Variants in RAB10 observed in about 807,000 individuals in gnomAD.
The protein encoded by RAB10 is ras-related protein Rab-10.
A neutral mutation model predicts 25.7 loss-of-function variants in RAB10; 5 were observed. The ratio of observed to expected loss-of-function variants is 0.19; its 90% CI spans 0.10 to 0.41. RAB10 has a LOEUF of 0.41. Among genes scored for constraint, RAB10 ranks in the 10% least tolerant of loss-of-function variants. The pLI is 1.00. For missense variants in RAB10, 103 were observed against 245.8 expected, an observed-to-expected ratio of 0.42 and a Z score of 3.89; for synonymous variants, 89 against 86.4, an observed-to-expected ratio of 1.03 and a Z score of -0.16.
At chr2:26,060,063 T>TTA (rs528148082) in intron 1 of RAB10, among the ~76,000 whole-genome samples, 58 of 152,298 alleles carry the variant, frequency 3.8e-4, no homozygotes, top group East Asian at 2.5e-3. Flanking sequence ...GGCAGATTAC[T>TTA]TATAATGCCA....
intron 2 of RAB10, among the ~76,000 whole-genome samples, chr2:26,099,524 T>C (rs1401062443): frequency 4.4e-5 from 6 of 137,130 alleles, no homozygotes; most frequent in Admixed American, 1.7e-4. Flanking sequence ...TGTTTTTTGT[T>C]TTTTTGGGTT....
chr2:26,086,687 A>G (rs1365821879), intron 1 of RAB10, among the ~76,000 whole-genome samples: 1 of 152,246 alleles, frequency 6.6e-6, no homozygotes, highest in Non-Finnish European at 1.5e-5. Context: ...GTGGAATTTA[A>G]CAGCTCTATT....
intron 3 of RAB10, among the ~76,000 whole-genome samples, chr2:26,116,238 A>G (rs1366901723): frequency 2.0e-5 from 3 of 152,090 alleles, no homozygotes; most frequent in Non-Finnish European, 4.4e-5. Context: ...GGCTGGTGTT[A>G]AAACCCTGAG....
In RAB10 at chr2:26,104,200, C is replaced by G. The variant is rs75094710; in HGVS notation, c.188+5478C>G. On this transcript the variant is annotated intron_variant, in intron 2 of 5. Coordinates refer to ENST00000264710, the MANE Select transcript of RAB10 (RefSeq NM_016131.5). ...CTGCATCATTTTACATTGTCACCAA[C>G]AGGGTATAAGGGTCCCAATTTCTCT... is the stretch of plus-strand genomic sequence containing the variant. 2.7e-3 allele frequency among the ~76,000 whole-genome samples: 417 copies of G among 152,320 alleles called. 3 individuals carry two copies. Among genetic ancestry groups the G allele is most frequent in the Non-Finnish European group, 4.8e-3 (326 of 68,030 alleles).
chr2:26,047,605 T>A (rs533650127), intron 1 of RAB10, among the ~76,000 whole-genome samples: 8 of 151,336 alleles, frequency 5.3e-5, no homozygotes, highest in Non-Finnish European at 1.2e-4. Context: ...TTAGTAGAGA[T>A]GGGGTTTGAC....
chr2:26,099,305 C>T (rs1398650775), intron 2 of RAB10, among the ~76,000 whole-genome samples: 1 of 152,088 alleles, frequency 6.6e-6, no homozygotes, highest in African/African-American at 2.4e-5. Flanking sequence ...GAGGTATAAT[C>T]TAACTGATAT....
chr2:26,098,883 A>C (rs1460118584), intron 2 of RAB10, among the ~76,000 whole-genome samples, 161 bp downstream of exon 2: 1 of 152,152 alleles, frequency 6.6e-6, no homozygotes, highest in Non-Finnish European at 1.5e-5. Context: ...GCATGGACTT[A>C]AGTCCATGAG....
At chr2:26,042,854 A>G (rs1211989326) in intron 1 of RAB10, 1 of 152,186 alleles carries the variant, frequency 6.6e-6, no homozygotes, top group African/African-American at 2.4e-5. Flanking sequence ...ACATATGGAA[A>G]GATGTTCAGC....
intron 1 of RAB10, among the ~76,000 whole-genome samples, chr2:26,066,260 C>CAAG (rs1258680010): frequency 1.3e-5 from 2 of 149,930 alleles, no homozygotes; most frequent in African/African-American, 4.9e-5. Context: ...TTCCAGTGGA[C>CAAG]AAGAAAACTT....
chr2:26,045,567 A>C lies in RAB10; in HGVS notation c.127+10832A>C, dbSNP rs534061026. Among the ~76,000 whole-genome samples, 4 of 152,280 alleles carry C rather than the reference A, an allele frequency of 2.6e-5. No individual in the cohort carries two copies. In the South Asian group the frequency reaches 8.3e-4, roughly 32 times the overall value. On this transcript the variant is annotated intron_variant, in intron 1 of 5. Coordinates refer to ENST00000264710, the MANE Select transcript of RAB10 (RefSeq NM_016131.5). ...TAACAGTAGAAGGTTGCCCAGGCAG[A>C]GCTGTGGTAGCAGTTGTGAAGAACG...
At chr2:26,090,939 C>G (rs1036208411) in intron 1 of RAB10, among the ~76,000 whole-genome samples, 12 of 63,438 alleles carry the variant, frequency 1.9e-4, no homozygotes, top group African/African-American at 3.9e-4. Context: ...GTCTCCCCCC[C>G]CAAAAAAAAA....
At chr2:26,124,071 GA>G (rs1403336269) in intron 3 of RAB10, among the ~76,000 whole-genome samples, 1 of 152,016 alleles carries the variant, frequency 6.6e-6, no homozygotes, top group Admixed American at 6.6e-5. Context: ...TCTTCCTTAT[GA>G]TTTTCTTAAT....
In RAB10 at chr2:26,082,996, A is replaced by G. The variant is rs139323295; in HGVS notation, c.128-15666A>G. Among the ~76,000 whole-genome samples, 707 of 152,360 alleles carry G rather than the reference A, an allele frequency of 4.6e-3. 3 individuals carry two copies. The highest frequency in any genetic ancestry group is 7.1e-3 in the Non-Finnish European group (483 of 68,026). ...TGGAGTAAAGAAGAAAAATCATACC[A>G]TCATAGTAGGCATAGACAAAGCATT... On this transcript the variant is annotated intron_variant, in intron 1 of 5. Transcript: ENST00000264710.
chr2:26,098,109 C>CTTTTTTTTTTTTTTTTTTTTTTTTTTT lies in RAB10; in HGVS notation c.128-551_128-525dup, dbSNP rs57174956. On this transcript the variant is annotated intron_variant, in intron 1 of 5. Coordinates refer to ENST00000264710, the MANE Select transcript of RAB10 (RefSeq NM_016131.5). Reference sequence around the variant, plus strand: ...CTTCTTTTTCTTTCTTTCTTTCTTTCTTTTTTTTTTTTTTTTTTTTTTTTT... The same window carrying CTTTTTTTTTTTTTTTTTTTTTTTTTTT: ...CTTCTTTTTCTTTCTTTCTTTCTTTCTTTTTTTTTTTTTTTTTTTTTTTTTTTTTTTTTTTTTTTTTTTTTTTTTTTT... Among the ~76,000 whole-genome samples the CTTTTTTTTTTTTTTTTTTTTTTTTTTT allele has an allele frequency of 4.0e-4, 21 of 52,726 alleles. 1 individual carries two copies. Among genetic ancestry groups the CTTTTTTTTTTTTTTTTTTTTTTTTTTT allele is most frequent in the South Asian group, 8.4e-4 (1 of 1,186 alleles). The allele number at this position is 52,726 out of a possible 152,430, so 34.6% of individuals were successfully genotyped here. A position where few individuals can be genotyped will look rare whatever the true frequency, so the allele number is the denominator to read the frequency against.
chr2:26,098,642 C>T lies in RAB10; in HGVS notation c.128-20C>T, dbSNP rs374722089. Reference sequence around the variant, plus strand: ...AATGTAAAGCCACAGTTACAGTTTACCTTTTTTTCTGCATTGTAGGAATAG... The same window carrying T: ...AATGTAAAGCCACAGTTACAGTTTATCTTTTTTTCTGCATTGTAGGAATAG... On this transcript the variant is annotated intron_variant, in intron 1 of 5. Transcript: ENST00000264710. The T allele has an allele frequency of 1.3e-6, 2 of 1,545,044 alleles. No homozygotes were observed. The highest frequency in any genetic ancestry group is 1.4e-5 in the African/African-American group (1 of 73,076).
At position 26,135,909 on chromosome 2, in the gene RAB10, T is replaced by C. The variant is rs1668102721; in HGVS notation, c.*888T>C. 1 of 152,612 alleles carries C rather than the reference T, an allele frequency of 6.6e-6. No individual in the cohort carries two copies. Among genetic ancestry groups the C allele is most frequent in the Admixed American group, 6.5e-5 (1 of 15,282 alleles). The allele number at this position is 152,612 out of a possible 1,614,324, so 9.5% of individuals were successfully genotyped here. On this transcript the variant is annotated 3_prime_UTR_variant, in exon 6 of 6. Coordinates refer to ENST00000264710, the MANE Select transcript of RAB10 (RefSeq NM_016131.5). ...TAAAGCACTGATGTAACTTGCTAGG[T>C]AAACGGAAAGATAAGTTCTAACTGC...
rs925519462 is a variant in RAB10 at position 26,136,181 on chromosome 2, T to A, written c.*1160T>A. 1 of 152,598 alleles carries A rather than the reference T, an allele frequency of 6.6e-6. No homozygotes were observed. Among genetic ancestry groups the A allele is most frequent in the Non-Finnish European group, 1.5e-5 (1 of 68,036 alleles). 9.5% of individuals were successfully genotyped at this position (152,598 alleles called of 1,614,324 possible). On this transcript the variant is annotated 3_prime_UTR_variant, in exon 6 of 6. Coordinates refer to ENST00000264710, the MANE Select transcript of RAB10 (RefSeq NM_016131.5). ...AGCCTATTCACTTTCCTAGAATAAA[T>A]CTCTTAACCTAAATTTGAGTAGTCT...
At chr2:26,060,765 C>T (rs1010537293) in intron 1 of RAB10, among the ~76,000 whole-genome samples, 4 of 152,134 alleles carry the variant, frequency 2.6e-5, no homozygotes, top group African/African-American at 9.7e-5. Flanking sequence ...CTTTCTATCA[C>T]ATTATGCCAG....
chr2:26,097,335 G>A (rs1280072714), intron 1 of RAB10, among the ~76,000 whole-genome samples: 2 of 152,058 alleles, frequency 1.3e-5, no homozygotes, highest in African/African-American at 4.8e-5. Flanking sequence ...GTGCAGTGGC[G>A]CGATCTCAGC....
Sources: gnomAD v4.1 joint callset for allele counts (sites outside exome capture counted in the v4.1 genomes callset) on GRCh38, gnomAD v4.1.1 for gene constraint, MANE v1.5 for transcripts, NCBI Gene and HGNC (gene_info 2026-07-23, HGNC 2026-07-21) for gene names.